MAP1B: variants seen among roughly 807,000 people sequenced by gnomAD.
The protein encoded by MAP1B is microtubule-associated protein 1B.
In MAP1B, 12 loss-of-function variants were observed where a neutral mutation model predicts 176.1. The observed-to-expected ratio is 0.07, with a 90% CI of 0.04 to 0.11. The LOEUF (loss-of-function observed/expected upper bound fraction) is 0.11. MAP1B is among the 10% of genes least tolerant of loss of function. MAP1B has a pLI of 1.00. For synonymous variants in MAP1B, 1,044 were observed against 1,135.0 expected (o/e 0.92, Z 1.61); for missense variants, 2,523 against 2,990.5 (o/e 0.84, Z 3.65).
At position 72,198,993 on chromosome 5, in the gene MAP1B, A is replaced by G. The variant is rs1747255795; in HGVS notation, c.5638A>G (p.Arg1880Gly). 1 of 1,614,110 alleles carries G rather than the reference A, an allele frequency of 6.2e-7. No homozygotes were observed. The highest frequency in any genetic ancestry group is 1.3e-5 in the African/African-American group (1 of 74,936). Reference protein sequence around the residue: ...YAYQKPEETTRSPDEEDYDYE... With the variant: ...YAYQKPEETTGSPDEEDYDYE... ...CTATCAAAAGCCTGAGGAAACAACC[A>G]GGTCCCCAGATGAAGAAGATTATGA... Residue 1880 changes from arginine to glycine, a missense_variant, in exon 5 of 7, where the codon AGG (arginine) becomes GGG (glycine). Around this residue, in one of 4 missense-constraint regions of MAP1B, gnomAD observed 1,925 missense variants for 2,126.0 expected, o/e 0.91. Coordinates refer to ENST00000296755, the MANE Select transcript of MAP1B (RefSeq NM_005909.5).
intron 2 of MAP1B, among the ~76,000 whole-genome samples, chr5:72,152,278 C>A (rs548420937): frequency 6.6e-6 from 1 of 152,054 alleles, no homozygotes; most frequent in African/African-American, 2.4e-5. Context: ...CACAGTGAAG[C>A]AATTGGCCTC....
chr5:72,137,511 A>G (rs989829740), intron 2 of MAP1B, among the ~76,000 whole-genome samples: 50 of 152,332 alleles, frequency 3.3e-4, no homozygotes, highest in African/African-American at 1.1e-3. Flanking sequence ...TACCTGGCCA[A>G]ATCAAGCAAA....
intron 3 of MAP1B, among the ~76,000 whole-genome samples, chr5:72,185,366 T>C (rs1746872101): frequency 6.6e-6 from 1 of 152,156 alleles, no homozygotes; most frequent in Non-Finnish European, 1.5e-5. Flanking sequence ...AATCGGGAAG[T>C]AATTACAGCT....
At chr5:72,138,762 T>C (rs1745884577) in intron 2 of MAP1B, among the ~76,000 whole-genome samples, 1 of 152,232 alleles carries the variant, frequency 6.6e-6, no homozygotes, top group African/African-American at 2.4e-5. Context: ...TTCATGAAGG[T>C]ATTTTTCAAT....
chr5:72,196,251 G>A lies in MAP1B; in HGVS notation c.2896G>A (p.Ala966Thr), dbSNP rs770956923. Reference protein sequence around the residue: ...EDGEEHVCVSASKHSPTEDEE... With the variant: ...EDGEEHVCVSTSKHSPTEDEE... The stretch of plus-strand genomic sequence containing the variant: ...TGGGGAGGAACACGTATGTGTGAGC[G>A]CCTCCAAGCACAGCCCCACTGAGGA... The change falls in exon 5 of 7, where the codon GCC (alanine) becomes ACC (threonine). Residue 966 changes from alanine (A) to threonine (T), a missense_variant. Around this residue, in one of 4 missense-constraint regions of MAP1B, gnomAD observed 1,925 missense variants for 2,126.0 expected, o/e 0.91. Transcript: ENST00000296755. The surrounding 1 kb of genome is among the most constrained non-coding windows in gnomAD (Gnocchi z 5.3). 34 of 1,613,732 alleles carry A rather than the reference G, an allele frequency of 2.1e-5. No homozygotes were observed. Among genetic ancestry groups the A allele is most frequent in the African/African-American group, 2.7e-5 (2 of 74,884 alleles).
chr5:72,135,198 C>A (rs1256029380), intron 2 of MAP1B, among the ~76,000 whole-genome samples: 1 of 152,008 alleles, frequency 6.6e-6, no homozygotes, highest in Non-Finnish European at 1.5e-5. Flanking sequence ...GGCTATGTAA[C>A]TGTAGGCAGC....
intron 2 of MAP1B, among the ~76,000 whole-genome samples, chr5:72,143,927 C>A (rs1242590058): frequency 1.3e-5 from 2 of 152,100 alleles, no homozygotes; most frequent in Non-Finnish European, 2.9e-5. Flanking sequence ...AGGCTCAATA[C>A]TTGGCGTACT....
intron 2 of MAP1B, among the ~76,000 whole-genome samples, chr5:72,132,704 A>T (rs1251795142): frequency 6.6e-6 from 1 of 152,140 alleles, no homozygotes; most frequent in Non-Finnish European, 1.5e-5. Context: ...CTGTCGTTTC[A>T]TAGTGGCAAC....
At chr5:72,133,966 T>G (rs887593181) in intron 2 of MAP1B, among the ~76,000 whole-genome samples, 4 of 152,240 alleles carry the variant, frequency 2.6e-5, no homozygotes, top group Non-Finnish European at 4.4e-5. Flanking sequence ...AAAACTCCCT[T>G]TCTTCTTTAT....
chr5:72,180,999 T>G (rs1281935036), intron 2 of MAP1B, among the ~76,000 whole-genome samples: 1 of 152,232 alleles, frequency 6.6e-6, no homozygotes, highest in Non-Finnish European at 1.5e-5. Context: ...TTACTAGTTG[T>G]GTGACTTTGG....
chr5:72,197,483 A>G lies in MAP1B; in HGVS notation c.4128A>G (p.Ser1376=). Residue 1376 remains serine (S), a synonymous_variant, in exon 5 of 7, where the codon TCA becomes TCG. Coordinates refer to ENST00000296755, the MANE Select transcript of MAP1B (RefSeq NM_005909.5). ...CCAAAGATGAGAATGAAAGGGCTTC[A>G]GTAAGCCCCATGGATGAGCCCGTGC... ...SDAKDENERA[S]VSPMDEPVPD... The G allele has an allele frequency of 6.2e-7, 1 of 1,614,224 alleles. No individual in the cohort carries two copies. Among genetic ancestry groups the G allele is most frequent in the Non-Finnish European group, 8.5e-7 (1 of 1,180,040 alleles).
intron 1 of MAP1B, among the ~76,000 whole-genome samples, 193 bp downstream of exon 1, chr5:72,107,908 G>C (rs574423355): frequency 5.9e-5 from 9 of 152,326 alleles, no homozygotes; most frequent in Admixed American, 5.2e-4. Flanking sequence ...AGACCCAGAG[G>C]GAGAGTCTCC....
At chr5:72,200,784 C>T (rs1438799774) in intron 5 of MAP1B, among the ~76,000 whole-genome samples, 2 of 152,120 alleles carry the variant, frequency 1.3e-5, no homozygotes, top group African/African-American at 2.4e-5. Flanking sequence ...GGTTTCACAT[C>T]AAGACTGGAT....
Position 72,204,967 on chromosome 5 carries a change from A to C in MAP1B, c.7252-117A>C. 3.0e-6 allele frequency: 2 copies of C among 662,510 alleles called. No homozygotes were observed. Among genetic ancestry groups the C allele is most frequent in the Non-Finnish European group, 4.8e-6 (2 of 413,144 alleles). The allele number at this position is 662,510 out of a possible 1,614,324, so 41.0% of individuals were successfully genotyped here. A position where few individuals can be genotyped will look rare whatever the true frequency, so the allele number is the denominator to read the frequency against. ...CTTTGCATTTCTTGAGGAAAATAGA[A>C]AAGTTTTCTCTCATTTCCCTTCTTC... On this transcript the variant is annotated intron_variant, in intron 6 of 6. Coordinates refer to ENST00000296755, the MANE Select transcript of MAP1B (RefSeq NM_005909.5). The surrounding 1 kb of genome is among the most constrained non-coding windows in gnomAD (Gnocchi z 4.4).
chr5:72,135,941 C>A (rs1386544620), intron 2 of MAP1B, among the ~76,000 whole-genome samples: 1 of 152,054 alleles, frequency 6.6e-6, no homozygotes, highest in East Asian at 1.9e-4. Context: ...GAGGTGTAGC[C>A]CAACAGGATT....
intron 1 of MAP1B, among the ~76,000 whole-genome samples, chr5:72,113,567 G>T (rs1745381158): frequency 6.6e-6 from 1 of 152,226 alleles, no homozygotes; most frequent in Non-Finnish European, 1.5e-5. Context: ...CAATGTAAGA[G>T]CAAGTCTGCA....
Position 72,206,494 on chromosome 5 carries a change from G to A in MAP1B, c.*1255G>A, listed in dbSNP as rs914545468. The A allele has an allele frequency of 1.3e-5, 2 of 152,642 alleles. No homozygotes were observed. Among genetic ancestry groups the A allele is most frequent in the African/African-American group, 4.8e-5 (2 of 41,464 alleles). 9.5% of individuals were successfully genotyped at this position (152,642 alleles called of 1,614,324 possible). A position where few individuals can be genotyped will look rare whatever the true frequency, so the allele number is the denominator to read the frequency against. On this transcript the variant is annotated 3_prime_UTR_variant, in exon 7 of 7. Coordinates refer to ENST00000296755, the MANE Select transcript of MAP1B (RefSeq NM_005909.5). The stretch of plus-strand genomic sequence containing the variant: ...TGGGAAAACAGTGAATCTTATGGTG[G>A]AAGAGGTTCTCAGCAAGTGTACAGT...
intron 2 of MAP1B, among the ~76,000 whole-genome samples, chr5:72,132,677 C>G (rs549434959): frequency 6.6e-6 from 1 of 152,276 alleles, no homozygotes; most frequent in South Asian, 2.1e-4. Flanking sequence ...TTCAGCCCAC[C>G]CTGTTTTTAT....
intron 2 of MAP1B, among the ~76,000 whole-genome samples, chr5:72,134,835 G>A (rs1390439077): frequency 6.6e-6 from 1 of 150,890 alleles, no homozygotes; most frequent in African/African-American, 2.4e-5. Flanking sequence ...AGAAAAGGAA[G>A]GCAGGCGGCT....
Sources: allele counts gnomAD v4.1 joint callset (sites outside exome capture counted in the v4.1 genomes callset), GRCh38; gene constraint gnomAD v4.1.1; regional missense constraint gnomAD v4.1.1; non-coding constraint Gnocchi (gnomAD v3.1); transcripts MANE v1.5; gene names NCBI Gene and HGNC (gene_info 2026-07-23, HGNC 2026-07-21).